Variants in PNPLA5 observed in about 807,000 individuals in gnomAD.
PNPLA5 encodes patatin-like phospholipase domain-containing protein 5.
Under a neutral mutation model 49.1 loss-of-function variants are expected in PNPLA5, and 44 were observed. The ratio of observed to expected loss-of-function variants is 0.90; its 90% CI spans 0.70 to 1.15. The LOEUF is 1.15. Among genes scored for constraint, PNPLA5 ranks in the 50% most tolerant of loss-of-function variants. The probability of loss-of-function intolerance (pLI) is 0.00; values close to 1 mark genes in which losing one functional copy is unlikely to be tolerated. For synonymous variants in PNPLA5, 243 were observed against 244.4 expected (o/e 0.99, Z 0.06); for missense variants, 603 against 564.0 (o/e 1.07, Z -0.70).
Position 43,879,778 on chromosome 22 carries a change from C to T in PNPLA5, c.*1017G>A, listed in dbSNP as rs574042037. The T allele has an allele frequency of 1.3e-5, 2 of 152,188 alleles. No individual in the cohort carries two copies. Among genetic ancestry groups the T allele is most frequent in the Non-Finnish European group, 2.9e-5 (2 of 68,050 alleles). 9.4% of individuals were successfully genotyped at this position (152,188 alleles called of 1,614,324 possible). ...GATCACGGTTCACTGCAGCCTCGAC[C>T]TCCTGGGCTCAAATGATCCTCCATC... On this transcript the variant is annotated 3_prime_UTR_variant, in exon 9 of 9. Transcript: ENST00000216177.
chr22:43,889,638 G>T, intron 3 of PNPLA5, 100 bp from the exon 4 acceptor site: 1 of 1,531,352 alleles, frequency 6.5e-7, no homozygotes, highest in Non-Finnish European at 8.8e-7. Context: ...AGTCACCAGG[G>T]CCACTCCAGC....
intron 8 of PNPLA5, 92 bp downstream of exon 8, chr22:43,881,466 A>G: frequency 7.6e-7 from 1 of 1,314,234 alleles, no homozygotes; most frequent in Non-Finnish European, 1.0e-6. Flanking sequence ...GGCAGATGGC[A>G]TGGCCGGCCT....
chr22:43,883,936 A>G (rs1466129456), intron 7 of PNPLA5, among the ~76,000 whole-genome samples: 1 of 152,180 alleles, frequency 6.6e-6, no homozygotes, highest in East Asian at 1.9e-4. Context: ...GCAATGGTCA[A>G]AGGTCACGGA....
At position 43,879,864 on chromosome 22, in the gene PNPLA5, T is replaced by G. The variant is rs1012397035; in HGVS notation, c.*931A>C. ...ACCACCATGCCCAGCTAAGTTTTTA[T>G]TATTTTTTTTAGAGACAGGGTCTTG... On this transcript the variant is annotated 3_prime_UTR_variant, in exon 9 of 9. Transcript: ENST00000216177. The G allele has an allele frequency of 6.6e-6, 1 of 152,152 alleles. No homozygotes were observed. The highest frequency in any genetic ancestry group is 2.4e-5 in the African/African-American group (1 of 41,408). 9.4% of individuals were successfully genotyped at this position (152,152 alleles called of 1,614,324 possible).
chr22:43,889,684 GGCCT>G, intron 3 of PNPLA5, 111 bp downstream of exon 3: 8 of 1,513,156 alleles, frequency 5.3e-6, no homozygotes, highest in African/African-American at 1.4e-5. Flanking sequence ...GCAGGGGGAG[GGCCT>G]GGCACACAGT....
intron 2 of PNPLA5, 114 bp downstream of exon 2, chr22:43,890,948 G>A: frequency 1.5e-6 from 2 of 1,307,850 alleles, no homozygotes; most frequent in African/African-American, 1.5e-5. Flanking sequence ...AGGTCCACCC[G>A]CCCTCCCTCC....
In PNPLA5 at chr22:43,889,309, C is replaced by CA; in HGVS notation, c.702+19dup. On this transcript the variant is annotated intron_variant, in intron 4 of 8. Transcript: ENST00000216177. The stretch of plus-strand genomic sequence containing the variant: ...TTGACCTTGGCCAAGCCTCTAACAC[C>CA]ATCACAGGGCCAGACCTACCTCGAG... 6.2e-7 allele frequency: 1 copy of CA among 1,612,530 alleles called. No individual in the cohort carries two copies. The highest frequency in any genetic ancestry group is 8.5e-7 in the Non-Finnish European group (1 of 1,179,752).
intron 6 of PNPLA5, 60 bp from the exon 7 acceptor site, chr22:43,884,405 G>GC (rs891945024): frequency 1.0e-5 from 15 of 1,467,850 alleles, no homozygotes; most frequent in Non-Finnish European, 7.2e-6. Context: ...AGCAACCTGA[G>GC]CCCCCCCATT....
rs779655979 is a variant in PNPLA5 at position 43,889,509 on chromosome 22, G to A, written c.522C>T (p.Asn174=). Residue 174 remains asparagine (N), a synonymous_variant, in exon 4 of 9, where the codon AAC becomes AAT. Coordinates refer to ENST00000216177, the MANE Select transcript of PNPLA5 (RefSeq NM_138814.4). ...ERYIDGALSN[N]LPFADCPSTI... ...TGGAGGGGCAGTCTGCAAAGGGCAA[G>A]TTGTTGCTCAGAGCCCCATCGATGT... 10 of 1,613,172 alleles carry A rather than the reference G, an allele frequency of 6.2e-6. No homozygotes were observed. The highest frequency in any genetic ancestry group is 1.7e-4 in the Middle Eastern group (1 of 6,046).
intron 6 of PNPLA5, among the ~76,000 whole-genome samples, chr22:43,885,425 C>T (rs1258498193): frequency 6.6e-6 from 1 of 151,678 alleles, no homozygotes; most frequent in Non-Finnish European, 1.5e-5. Flanking sequence ...TCCCGCCCAC[C>T]TCACTTGCTC....
chr22:43,889,379 TG>T lies in PNPLA5; in HGVS notation c.651del (p.Thr218LeufsTer18). On this transcript the variant is annotated frameshift_variant, in exon 4 of 9. Coordinates refer to ENST00000216177, the MANE Select transcript of PNPLA5 (RefSeq NM_138814.4). LOFTEE classifies it high-confidence loss of function. Reference protein sequence around the residue: ...LNVFNFSFQISTENFFLGLIC... With the variant: ...LNVFNFSFQIXTENFFLGLIC... ...ATGAGCCCCAGGAAGAAGTTCTCAG[TG>T]GAGATTTGGAAGCTGAAGTTGAAGA... 6.2e-7 allele frequency: 1 copy of T among 1,612,756 alleles called. No homozygotes were observed. Among genetic ancestry groups the T allele is most frequent in the East Asian group, 2.2e-5 (1 of 44,818 alleles).
rs552461775 is a variant in PNPLA5, at chr22:43,886,413, G to C, written c.839C>G (p.Ala280Gly). 94 of 1,614,194 alleles carry C rather than the reference G, an allele frequency of 5.8e-5. No homozygotes were observed. The East Asian group carries it at 1.6e-3, about 27-fold the overall frequency. Residue 280 changes from alanine to glycine, a missense_variant, in exon 6 of 9, where the codon GCT (alanine) becomes GGT (glycine). Transcript: ENST00000216177. ...PPAPADGNWD[A>G]GCDQRWKGGL... is the part of the protein sequence containing the mutation. ...CCCCTTCCAGCGTTGGTCACAGCCA[G>C]CATCCCAGTTTCCGTCAGCCGGGGC...
rs898726341 is a variant in PNPLA5 at position 43,889,563 on chromosome 22, G to C, written c.493-25C>G. On this transcript the variant is annotated intron_variant, in intron 3 of 8. Transcript: ENST00000216177. ...GCTGCAATTTGTGGGGAGCAGGTGG[G>C]TGGTGCTGCCCTCTCAGAGGGCCTC... 3.2e-6 allele frequency: 5 copies of C among 1,581,124 alleles called. No homozygotes were observed. In the African/African-American group the frequency reaches 6.7e-5, roughly 21 times the overall value.
chr22:43,885,627 C>T (rs2049656363), intron 6 of PNPLA5, among the ~76,000 whole-genome samples: 1 of 152,158 alleles, frequency 6.6e-6, no homozygotes, highest in South Asian at 2.1e-4. Context: ...TTTCCAGCTT[C>T]ACTTAGATGC....
intron 7 of PNPLA5, among the ~76,000 whole-genome samples, chr22:43,883,308 T>C (rs2049629057): frequency 6.6e-6 from 1 of 152,144 alleles, no homozygotes; most frequent in Admixed American, 6.5e-5. Flanking sequence ...TGTGTGATAA[T>C]TTGTAGGTCG....
At chr22:43,884,994 C>G (rs886370364) in intron 6 of PNPLA5, among the ~76,000 whole-genome samples, 1 of 152,242 alleles carries the variant, frequency 6.6e-6, no homozygotes, top group Non-Finnish European at 1.5e-5. Flanking sequence ...TGCTCCACAT[C>G]CACCTGCCGA....
At chr22:43,884,106 C>CA in intron 7 of PNPLA5, 107 bp downstream of exon 7, 2 of 943,358 alleles carry the variant, frequency 2.1e-6, no homozygotes, top group Non-Finnish European at 3.1e-6. Flanking sequence ...GGGCTCCCCC[C>CA]ACCCCGCCGA....
chr22:43,890,983 C>G, intron 2 of PNPLA5, 79 bp downstream of exon 2: 1 of 1,520,302 alleles, frequency 6.6e-7, no homozygotes. Flanking sequence ...AAACGTCTGA[C>G]GGGGAAGTAC....
chr22:43,886,526 G>T, intron 5 of PNPLA5, 38 bp from the exon 6 acceptor site: 1 of 1,579,508 alleles, frequency 6.3e-7, no homozygotes, highest in East Asian at 2.2e-5. Flanking sequence ...TCAAGCATCT[G>T]AGCCTCCCCA....
Sources: allele counts gnomAD v4.1 joint callset (sites outside exome capture counted in the v4.1 genomes callset), GRCh38; gene constraint gnomAD v4.1.1; transcripts MANE v1.5; gene names NCBI Gene and HGNC (gene_info 2026-07-23, HGNC 2026-07-21).